ZFHX3: variants seen among roughly 807,000 people sequenced by gnomAD.
The protein encoded by ZFHX3 is zinc finger homeobox protein 3.
A neutral mutation model predicts 279.1 loss-of-function variants in ZFHX3; 42 were observed. That is an observed-to-expected ratio of 0.15 (90% CI 0.12 to 0.19). The LOEUF (loss-of-function observed/expected upper bound fraction) is 0.19. Ranked by LOEUF, ZFHX3 falls within the 10% of genes least tolerant of loss-of-function variation. The probability of loss-of-function intolerance (pLI) is 1.00; values close to 1 mark genes in which losing one functional copy is unlikely to be tolerated. For synonymous variants in ZFHX3, 2,293 were observed against 1,957.8 expected (o/e 1.17, Z -4.52); for missense variants, 4,981 against 4,754.0 (o/e 1.05, Z -1.40).
At chr16:73,608,962 CCTCA>C (rs1271868134) in intron 2 of ZFHX3, 3 of 152,122 alleles carry the variant, frequency 2.0e-5, no homozygotes, top group African/African-American at 7.2e-5. Context: ...TCTATTTTCT[CCTCA>C]CTATTTGTGG....
intron 4 of ZFHX3, among the ~76,000 whole-genome samples, chr16:72,888,594 G>T (rs1362638792): frequency 6.6e-6 from 1 of 152,238 alleles, no homozygotes; most frequent in East Asian, 1.9e-4. Context: ...AGTCAGGCTT[G>T]CAGAACTATC....
intron 5 of ZFHX3, among the ~76,000 whole-genome samples, chr16:73,248,302 T>C (rs1423164041): frequency 6.6e-6 from 1 of 151,870 alleles, no homozygotes; most frequent in East Asian, 1.9e-4. Flanking sequence ...GTACATATGA[T>C]ATGTGTGTGT....
At chr16:73,699,136 G>C (rs1330043402) in intron 1 of ZFHX3, among the ~76,000 whole-genome samples, 1 of 152,120 alleles carries the variant, frequency 6.6e-6, no homozygotes, top group Non-Finnish European at 1.5e-5. Flanking sequence ...GCCCACCTTG[G>C]CCTCCCAATC....
rs182660396 is a variant in ZFHX3 at position 72,943,039 on chromosome 16, T to A, written c.3216+7430A>T. ...AGTATTCCGTAAATATGTTCTGATTTACCTAAATCTGTGGATCATTCACAA... is the reference window on the plus strand; with the variant it reads ...AGTATTCCGTAAATATGTTCTGATTAACCTAAATCTGTGGATCATTCACAA... On this transcript the variant is annotated intron_variant, in intron 3 of 9. Coordinates refer to ENST00000268489, the MANE Select transcript of ZFHX3 (RefSeq NM_006885.4). 4.4e-3 allele frequency among the ~76,000 whole-genome samples: 676 copies of A among 152,318 alleles called. 3 individuals are homozygous for A. Among genetic ancestry groups the A allele is most frequent in the Non-Finnish European group, 7.1e-3 (481 of 68,032 alleles).
chr16:73,705,911 A>G lies in ZFHX3; in HGVS notation c.-1607-25671T>C, dbSNP rs189358733. 2.5e-3 allele frequency among the ~76,000 whole-genome samples: 384 copies of G among 152,212 alleles called. 1 individual carries two copies. The highest frequency in any genetic ancestry group is 0.014 in the Middle Eastern group (4 of 292). ...TTGCCACAGTTCCTCTGACACTGTA[A>G]TGGTCCGACTCTTGTTATACCTCAC... On this transcript the variant is annotated intron_variant, in intron 1 of 17. Transcript: ENST00000641206.
intron 4 of ZFHX3, among the ~76,000 whole-genome samples, chr16:73,296,396 T>G (rs950434500): frequency 6.6e-6 from 1 of 152,152 alleles, no homozygotes; most frequent in Non-Finnish European, 1.5e-5. Flanking sequence ...ATGTGGGGAA[T>G]GAATGTTAAA....
intron 2 of ZFHX3, among the ~76,000 whole-genome samples, chr16:73,587,228 C>G (rs978799284): frequency 6.6e-5 from 10 of 152,122 alleles, no homozygotes; most frequent in Non-Finnish European, 1.2e-4. Context: ...TATGACAATG[C>G]CTTAACATCG....
intron 1 of ZFHX3, among the ~76,000 whole-genome samples, chr16:73,819,784 T>A (rs573768537): frequency 2.6e-5 from 4 of 152,174 alleles, no homozygotes; most frequent in African/African-American, 9.7e-5. Context: ...ACATTCAGAA[T>A]GTCACCTAGT....
At chr16:73,580,411 G>A (rs2051847853) in intron 2 of ZFHX3, among the ~76,000 whole-genome samples, 1 of 151,878 alleles carries the variant, frequency 6.6e-6, no homozygotes, top group Admixed American at 6.5e-5. Context: ...CCAGAAGGCA[G>A]AGGTTGCAGT....
chr16:73,786,733 T>C (rs1959661329), intron 1 of ZFHX3, among the ~76,000 whole-genome samples: 1 of 152,182 alleles, frequency 6.6e-6, no homozygotes, highest in South Asian at 2.1e-4. Context: ...TCTCCAAAGC[T>C]CCAGGCTTCT....
rs575789285 is a variant in ZFHX3, at chr16:73,131,318, G to A, written c.-1023-224C>T. Among the ~76,000 whole-genome samples, 7 of 152,246 alleles carry A rather than the reference G, an allele frequency of 4.6e-5. No homozygotes were observed. The South Asian group carries it at 1.5e-3, about 32-fold the overall frequency. On this transcript the variant is annotated intron_variant, in intron 6 of 17. Transcript: ENST00000641206. ...AAGTACTTAATAAACGCAATTCATG[G>A]TCCAGAGTGCTTTATGTACATGACT...
At chr16:73,788,195 G>A (rs529982442) in intron 1 of ZFHX3, among the ~76,000 whole-genome samples, 1 of 152,260 alleles carries the variant, frequency 6.6e-6, no homozygotes, top group East Asian at 1.9e-4. Context: ...AGCCAGGTAG[G>A]GAAGAACCAG....
At chr16:72,867,501 T>C (rs1032165738) in intron 4 of ZFHX3, among the ~76,000 whole-genome samples, 3 of 152,208 alleles carry the variant, frequency 2.0e-5, no homozygotes, top group African/African-American at 7.2e-5. Flanking sequence ...AATCTAAGAC[T>C]GTAAGAAGCA....
At chr16:73,591,200 A>C (rs1440991357) in intron 2 of ZFHX3, among the ~76,000 whole-genome samples, 1 of 151,782 alleles carries the variant, frequency 6.6e-6, no homozygotes, top group African/African-American at 2.4e-5. Flanking sequence ...AAAATGCAAA[A>C]AAATTTGCCG....
intron 2 of ZFHX3, among the ~76,000 whole-genome samples, chr16:73,512,272 CAAAAAAAAAA>C (rs3087038): frequency 3.8e-3 from 334 of 87,844 alleles, no homozygotes; most frequent in East Asian, 0.014. Flanking sequence ...CACTAAAATA[CAAAAAAAAAA>C]AAAAAAAAAA....
chr16:73,726,627 G>A (rs2053521094), intron 1 of ZFHX3, among the ~76,000 whole-genome samples: 1 of 152,170 alleles, frequency 6.6e-6, no homozygotes. Flanking sequence ...TCAGCTTCTG[G>A]GGAGGCCTCA....
chr16:73,725,921 T>G (rs1433501375), intron 1 of ZFHX3, among the ~76,000 whole-genome samples: 6 of 152,102 alleles, frequency 3.9e-5, no homozygotes, highest in African/African-American at 1.4e-4. Flanking sequence ...AAGGAGATAT[T>G]TGGAGAATAT....
chr16:72,816,257 T>C (rs1375989267), intron 5 of ZFHX3, among the ~76,000 whole-genome samples: 1 of 152,246 alleles, frequency 6.6e-6, no homozygotes, highest in Non-Finnish European at 1.5e-5. Flanking sequence ...TGGTATTTTT[T>C]ACTTTGCTGG....
At chr16:73,311,088 C>A (rs1325951351) in intron 4 of ZFHX3, among the ~76,000 whole-genome samples, 1 of 151,522 alleles carries the variant, frequency 6.6e-6, no homozygotes, top group African/African-American at 2.4e-5. Flanking sequence ...CAAAAATTAG[C>A]CGGGCATGGT....
Sources: gnomAD v4.1 joint callset for allele counts (sites outside exome capture counted in the v4.1 genomes callset) on GRCh38, gnomAD v4.1.1 for gene constraint, MANE v1.5 for transcripts, NCBI Gene and HGNC (gene_info 2026-07-23, HGNC 2026-07-21) for gene names.